The following DOCK1 variants were observed in gnomAD, a reference collection of about 807,000 sequenced individuals.
DOCK1 encodes dedicator of cytokinesis 1.
In DOCK1, 138 loss-of-function variants were observed where a neutral mutation model predicts 262.7. The ratio of observed to expected loss-of-function variants is 0.53; its 90% CI spans 0.46 to 0.61. DOCK1 has a LOEUF of 0.61. Ranked by LOEUF, DOCK1 falls within the 20% of genes least tolerant of loss-of-function variation. The pLI is 0.00. For synonymous variants in DOCK1, 866 were observed against 867.4 expected (o/e 1.00, Z 0.03); for missense variants, 1,908 against 2,370.7 (o/e 0.80, Z 4.05).
At chr10:126,991,828 C>A (rs549336901) in intron 6 of DOCK1, among the ~76,000 whole-genome samples, 1 of 152,064 alleles carries the variant, frequency 6.6e-6, no homozygotes, top group African/African-American at 2.4e-5. Flanking sequence ...TGCTCCCAGC[C>A]GGAAATCTCA....
chr10:126,979,695 G>A (rs906708952), intron 3 of DOCK1, among the ~76,000 whole-genome samples: 4 of 151,790 alleles, frequency 2.6e-5, no homozygotes, highest in African/African-American at 9.7e-5. Flanking sequence ...GCTGGGTAGG[G>A]CATAGCTATT....
intron 1 of DOCK1, among the ~76,000 whole-genome samples, chr10:126,930,144 T>G (rs2034081869): frequency 6.6e-6 from 1 of 152,230 alleles, no homozygotes; most frequent in East Asian, 1.9e-4. Context: ...CATTCCTTTC[T>G]GTGGTGGAAT....
chr10:127,197,925 C>T (rs1210098576), intron 27 of DOCK1, among the ~76,000 whole-genome samples: 3 of 152,220 alleles, frequency 2.0e-5, no homozygotes, highest in Non-Finnish European at 4.4e-5. Flanking sequence ...TCATCTATTT[C>T]CCTCTTTACC....
At chr10:126,937,443 A>G (rs2034626584) in intron 1 of DOCK1, among the ~76,000 whole-genome samples, 1 of 149,936 alleles carries the variant, frequency 6.7e-6, no homozygotes, top group African/African-American at 2.4e-5. Context: ...TCTGTTTTAC[A>G]TTCCCACCAC....
chr10:126,998,190 A>C lies in DOCK1; in HGVS notation c.708A>C (p.Ile236=), dbSNP rs753377827. 6.2e-7 allele frequency: 1 copy of C among 1,614,046 alleles called. No homozygotes were observed. Among genetic ancestry groups the C allele is most frequent in the Non-Finnish European group, 8.5e-7 (1 of 1,179,900 alleles). Residue 236 remains isoleucine, a synonymous_variant, in exon 8 of 52, where the codon ATA becomes ATC. Transcript: ENST00000623213. ...ACCTCAAAAATGTGGTTTGTAAAAT[A>C]GGAGAAGATGCTGAAGTCCTCATGT... is the stretch of plus-strand genomic sequence containing the variant. ...FVNLKNVVCK[I]GEDAEVLMSL... is the part of the protein sequence containing the mutation.
Position 127,176,358 on chromosome 10 carries a change from G to A in DOCK1, c.2847+48594G>A. On this transcript the variant is annotated intron_variant, in intron 27 of 51. Coordinates refer to ENST00000623213, the MANE Select transcript of DOCK1 (RefSeq NM_001290223.2). The surrounding 1 kb of genome is among the most constrained non-coding windows in gnomAD (Gnocchi z 4.4). ...GGCGGGTTCCACTTCACTCTCCGAC[G>A]TTGTGAGTATGCATTTGCCGGTGTC... 1.2e-6 allele frequency: 2 copies of A among 1,612,774 alleles called. No individual in the cohort carries two copies. Among genetic ancestry groups the A allele is most frequent in the South Asian group, 1.1e-5 (1 of 90,970 alleles).
At chr10:127,343,802 TA>T in intron 31 of DOCK1, 56 bp downstream of exon 31, 3 of 1,352,910 alleles carry the variant, frequency 2.2e-6, no homozygotes, top group South Asian at 2.6e-5. Context: ...TCTAATCGCA[TA>T]ATTTTCATGT....
chr10:127,291,898 G>A (rs755277405), intron 29 of DOCK1, among the ~76,000 whole-genome samples: 4 of 152,294 alleles, frequency 2.6e-5, no homozygotes, highest in Admixed American at 6.5e-5. Flanking sequence ...GAGGAAATAG[G>A]CCCTCTCTGG....
intron 32 of DOCK1, among the ~76,000 whole-genome samples, chr10:127,356,715 A>C (rs1926435): frequency 4.0e-5 from 6 of 151,766 alleles, no homozygotes; most frequent in Middle Eastern, 3.2e-3. Flanking sequence ...ATAGGCACCA[A>C]CGTTCATGAA....
intron 29 of DOCK1, among the ~76,000 whole-genome samples, chr10:127,301,202 C>T (rs1435711152): frequency 6.6e-6 from 1 of 152,132 alleles, no homozygotes; most frequent in East Asian, 1.9e-4. Flanking sequence ...CGCTTGAATA[C>T]AGGGTGTCAG....
chr10:127,229,907 T>C (rs1277762650), intron 27 of DOCK1, among the ~76,000 whole-genome samples: 3 of 152,248 alleles, frequency 2.0e-5, no homozygotes, highest in African/African-American at 7.2e-5. Context: ...ATTCCTTTTG[T>C]TGATAGTAGC....
chr10:127,017,017 G>C (rs370072393), intron 12 of DOCK1, among the ~76,000 whole-genome samples: 3 of 48,870 alleles, frequency 6.1e-5, no homozygotes, highest in Non-Finnish European at 3.9e-5. Context: ...AATAAACACA[G>C]ATATGCAGAT....
intron 23 of DOCK1, among the ~76,000 whole-genome samples, chr10:127,065,814 ATTGCACTCC>A (rs1447492414): frequency 6.6e-6 from 1 of 151,706 alleles, no homozygotes; most frequent in Admixed American, 6.6e-5. Flanking sequence ...AGATCGCGCC[ATTGCACTCC>A]AGCCTGGGCA....
intron 1 of DOCK1, among the ~76,000 whole-genome samples, chr10:126,934,345 T>G (rs1404153052): frequency 2.6e-5 from 4 of 152,120 alleles, no homozygotes; most frequent in Non-Finnish European, 5.9e-5. Flanking sequence ...AATGCTACGC[T>G]CAGGGGTAGC....
At chr10:127,211,828 C>G (rs1218455761) in intron 27 of DOCK1, among the ~76,000 whole-genome samples, 1 of 152,202 alleles carries the variant, frequency 6.6e-6, no homozygotes, top group African/African-American at 2.4e-5. Flanking sequence ...AAGGAGGTCC[C>G]TGCACACACC....
chr10:127,309,729 C>T (rs2061995651), intron 29 of DOCK1, among the ~76,000 whole-genome samples: 1 of 152,112 alleles, frequency 6.6e-6, no homozygotes, highest in African/African-American at 2.4e-5. Context: ...TGTTGAAGAT[C>T]CCTCTGATCA....
intron 37 of DOCK1, among the ~76,000 whole-genome samples, chr10:127,381,958 T>TATGGATGGATGGATGGATGG (rs10541699): frequency 6.7e-6 from 1 of 149,914 alleles, no homozygotes; most frequent in African/African-American, 2.5e-5. Context: ...TACAGTGACG[T>TATGGATGGATGGATGGATGG]ATGGATGGAT....
intron 21 of DOCK1, among the ~76,000 whole-genome samples, chr10:127,050,224 C>T (rs1253903702): frequency 6.6e-6 from 1 of 151,046 alleles, no homozygotes; most frequent in Non-Finnish European, 1.5e-5. Context: ...TTTGAATATC[C>T]TTAATTATAA....
chr10:127,394,352 T>TAA (rs34284692), intron 38 of DOCK1, among the ~76,000 whole-genome samples: 5,221 of 132,952 alleles, frequency 0.039, 320 homozygotes, highest in African/African-American at 0.13. Context: ...TGCACCAATG[T>TAA]AAAAAAAAAA....
Sources: allele counts gnomAD v4.1 joint callset (sites outside exome capture counted in the v4.1 genomes callset), GRCh38; gene constraint gnomAD v4.1.1; non-coding constraint Gnocchi (gnomAD v3.1); transcripts MANE v1.5; gene names NCBI Gene and HGNC (gene_info 2026-07-23, HGNC 2026-07-21).